ARID5B: variants seen among roughly 807,000 people sequenced by gnomAD.
The protein encoded by ARID5B is AT-rich interactive domain-containing protein 5B.
A neutral mutation model predicts 97.2 loss-of-function variants in ARID5B; 13 were observed. The ratio of observed to expected loss-of-function variants is 0.13; its 90% confidence interval spans 0.09 to 0.21. The LOEUF (loss-of-function observed/expected upper bound fraction) is 0.21, where lower values mean the gene tolerates loss of function less well. ARID5B is among the 10% of genes least tolerant of loss of function. The probability of loss-of-function intolerance (pLI) is 1.00; values close to 1 mark genes in which losing one functional copy is unlikely to be tolerated. For missense variants in ARID5B, 1,210 were observed against 1,465.3 expected (o/e 0.83, Z 2.84); for synonymous variants, 556 against 570.3 (o/e 0.97, Z 0.36).
intron 3 of ARID5B, among the ~76,000 whole-genome samples, chr10:61,946,098 A>C (rs1564609773): frequency 6.7e-6 from 1 of 149,602 alleles, no homozygotes; most frequent in East Asian, 1.9e-4. Context: ...ATATTTTATA[A>C]ACTTTTATCC....
In ARID5B at chr10:62,091,096, G is replaced by A; in HGVS notation, c.1633G>A (p.Ala545Thr). The change falls in exon 10 of 10, where the codon GCT (alanine) becomes ACT (threonine). Residue 545 changes from alanine to threonine, a missense_variant. Physicochemically the swap from Ala to Thr is moderately conservative, Grantham distance 58. This residue lies in a region of ARID5B where 800 missense variants were observed against 839.1 expected (regional missense o/e 0.95). Transcript: ENST00000279873. ...EKGPTPPLPS[A>T]PLAPEKDSAL... The stretch of plus-strand genomic sequence containing the variant: ...GGGGCCCACACCTCCACTCCCAAGT[G>A]CTCCTCTGGCCCCAGAAAAAGATTC... 6.2e-7 allele frequency: 1 copy of A among 1,614,106 alleles called. No homozygotes were observed. Among genetic ancestry groups the A allele is most frequent in the Non-Finnish European group, 8.5e-7 (1 of 1,180,012 alleles).
chr10:62,076,918 A>G (rs1840145521), intron 8 of ARID5B, among the ~76,000 whole-genome samples: 2 of 152,084 alleles, frequency 1.3e-5, no homozygotes, highest in Non-Finnish European at 2.9e-5. Flanking sequence ...TGTGGCCCCT[A>G]TTGGGCTTAC....
intron 3 of ARID5B, among the ~76,000 whole-genome samples, chr10:61,963,500 C>A (rs571672148): frequency 6.6e-6 from 1 of 152,176 alleles, no homozygotes; most frequent in African/African-American, 2.4e-5. Context: ...AGACTGCACC[C>A]AGAACCACTG....
chr10:62,051,692 A>G (rs947582617), intron 5 of ARID5B, among the ~76,000 whole-genome samples: 1 of 152,226 alleles, frequency 6.6e-6, no homozygotes, highest in Non-Finnish European at 1.5e-5. Context: ...AGGGTAAAGT[A>G]TCACTTTATA....
intron 8 of ARID5B, among the ~76,000 whole-genome samples, chr10:62,080,125 CG>C (rs1478591155): frequency 1.3e-5 from 2 of 152,168 alleles, no homozygotes; most frequent in African/African-American, 4.8e-5. Context: ...TTCATGTCAG[CG>C]TGGCTTCTTA....
At chr10:61,976,839 T>A (rs1838706295) in intron 3 of ARID5B, among the ~76,000 whole-genome samples, 1 of 147,758 alleles carries the variant, frequency 6.8e-6, no homozygotes, top group Non-Finnish European at 1.5e-5. Context: ...TTTGTGTTTG[T>A]GGGAGAGAAA....
intron 4 of ARID5B, among the ~76,000 whole-genome samples, chr10:62,010,459 G>A (rs867331808): frequency 4.6e-5 from 7 of 152,092 alleles, no homozygotes; most frequent in Non-Finnish European, 5.9e-5. Context: ...GAAATGATAC[G>A]AAAACTCTGC....
chr10:62,049,099 G>C (rs927371584), intron 4 of ARID5B: 1 of 1,040,772 alleles, frequency 9.6e-7, no homozygotes, highest in African/African-American at 1.6e-5. Context: ...GCTGCGGACC[G>C]TGTCAAATTC....
intron 4 of ARID5B, among the ~76,000 whole-genome samples, chr10:62,035,298 C>T (rs1225137452): frequency 1.3e-5 from 2 of 152,170 alleles, no homozygotes; most frequent in East Asian, 1.9e-4. Context: ...GTACCAGACA[C>T]TGATTTCAAA....
intron 2 of ARID5B, among the ~76,000 whole-genome samples, chr10:61,931,585 A>G (rs1426390562): frequency 2.0e-5 from 3 of 152,240 alleles, no homozygotes; most frequent in African/African-American, 7.2e-5. Flanking sequence ...AAATAGGAGA[A>G]AGTGGTTTCA....
chr10:61,929,792 G>A (rs1164322602), intron 2 of ARID5B, among the ~76,000 whole-genome samples: 1 of 152,188 alleles, frequency 6.6e-6, no homozygotes, highest in Admixed American at 6.5e-5. Flanking sequence ...GCACCTGGCT[G>A]TAAAAGGAAG....
At chr10:61,926,289 A>G (rs1419808011) in intron 2 of ARID5B, among the ~76,000 whole-genome samples, 1 of 152,220 alleles carries the variant, frequency 6.6e-6, no homozygotes, top group Non-Finnish European at 1.5e-5. Context: ...GGAGGTGGGG[A>G]AAGGTGCATT....
At chr10:61,926,263 C>T (rs903729959) in intron 2 of ARID5B, among the ~76,000 whole-genome samples, 5 of 152,140 alleles carry the variant, frequency 3.3e-5, no homozygotes, top group Non-Finnish European at 7.3e-5. Context: ...ATCCCATTCA[C>T]CCCAGGGAAT....
intron 2 of ARID5B, among the ~76,000 whole-genome samples, chr10:61,934,225 G>A (rs897707565): frequency 1.3e-5 from 2 of 152,188 alleles, no homozygotes; most frequent in Non-Finnish European, 1.5e-5. Flanking sequence ...CTCTGGATTA[G>A]GCTTTGGTTT....
intron 3 of ARID5B, among the ~76,000 whole-genome samples, chr10:61,975,156 C>A (rs1430079258): frequency 1.3e-5 from 2 of 152,030 alleles, no homozygotes; most frequent in Non-Finnish European, 2.9e-5. Context: ...CAACCCAGAG[C>A]ATAGTATATC....
chr10:61,996,274 T>C (rs1264464457), intron 3 of ARID5B, among the ~76,000 whole-genome samples: 2 of 152,168 alleles, frequency 1.3e-5, no homozygotes, highest in African/African-American at 4.8e-5. Flanking sequence ...CAGTCTTACA[T>C]CAAACAGAAG....
At chr10:62,037,361 A>G (rs1050883658) in intron 4 of ARID5B, among the ~76,000 whole-genome samples, 1 of 152,208 alleles carries the variant, frequency 6.6e-6, no homozygotes. Context: ...GTCCTGGGCT[A>G]AGAGTCAAAT....
rs1491293185 is a variant in ARID5B at position 61,912,684 on chromosome 10, ATG to A, written c.276+10273_276+10274del. ...TGCATGTTTATATATATATATATAT[ATG>A]TATACACACATACACACACACACAT... On this transcript the variant is annotated intron_variant, in intron 2 of 9. Transcript: ENST00000279873. 7.8e-3 allele frequency among the ~76,000 whole-genome samples: 1,161 copies of A among 149,228 alleles called. 7 individuals are homozygous for A. The highest frequency in any genetic ancestry group is 0.011 in the Non-Finnish European group (750 of 67,604).
In ARID5B at chr10:62,091,925, A is replaced by G. The variant is rs1840381603; in HGVS notation, c.2462A>G (p.His821Arg). 21 of 1,613,746 alleles carry G rather than the reference A, an allele frequency of 1.3e-5. No homozygotes were observed. The highest frequency in any genetic ancestry group is 1.8e-5 in the Non-Finnish European group (21 of 1,179,870). Reference sequence around the variant, plus strand: ...CTCTTAGAGAAAAGGGCCCTCCCCCATTCCCACATGCCTAGCTTCCTGGCT... The same window carrying G: ...CTCTTAGAGAAAAGGGCCCTCCCCCGTTCCCACATGCCTAGCTTCCTGGCT... The part of the protein sequence containing the change: ...DKLLEKRALP[H>R]SHMPSFLADF... Residue 821 changes from histidine to arginine, a missense_variant, in exon 10 of 10, where the codon CAT (histidine) becomes CGT (arginine). Physicochemically the swap from His to Arg is conservative, Grantham distance 29. Around this residue, in one of 8 missense-constraint regions of ARID5B, gnomAD observed 800 missense variants for 839.1 expected, o/e 0.95. Transcript: ENST00000279873.
Sources: allele counts gnomAD v4.1 joint callset (sites outside exome capture counted in the v4.1 genomes callset), GRCh38; gene constraint gnomAD v4.1.1; regional missense constraint gnomAD v4.1.1; transcripts MANE v1.5; gene names NCBI Gene and HGNC (gene_info 2026-07-23, HGNC 2026-07-21).